STRBP: variants seen among roughly 807,000 people sequenced by gnomAD.
STRBP encodes spermatid perinuclear RNA binding protein.
A neutral mutation model predicts 80.1 loss-of-function variants in STRBP; 13 were observed. The ratio of observed to expected loss-of-function variants is 0.16; its 90% confidence interval spans 0.11 to 0.26. The LOEUF (loss-of-function observed/expected upper bound fraction) is 0.26. Among genes scored for constraint, STRBP ranks in the 10% least tolerant of loss-of-function variants. STRBP has a pLI of 1.00. For missense variants in STRBP, 485 were observed against 815.2 expected (o/e 0.59, Z 4.93); for synonymous variants, 284 against 291.2 (o/e 0.98, Z 0.25).
chr9:123,265,688 A>C (rs2041251391), intron 1 of STRBP, among the ~76,000 whole-genome samples: 1 of 152,174 alleles, frequency 6.6e-6, no homozygotes, highest in Admixed American at 6.5e-5. Flanking sequence ...AAACCCCTAA[A>C]GGTTACTTCC....
intron 2 of STRBP, among the ~76,000 whole-genome samples, chr9:123,233,398 T>A (rs1248184659): frequency 6.6e-6 from 1 of 152,192 alleles, no homozygotes; most frequent in East Asian, 1.9e-4. Flanking sequence ...ATTTGAACTT[T>A]AAGAAGTGTT....
chr9:123,257,872 T>C (rs886806228), intron 1 of STRBP, among the ~76,000 whole-genome samples: 1 of 151,714 alleles, frequency 6.6e-6, no homozygotes, highest in Non-Finnish European at 1.5e-5. Flanking sequence ...TACATATTTA[T>C]GCATAATTTA....
chr9:123,148,059 A>G (rs1201507823), intron 11 of STRBP, among the ~76,000 whole-genome samples, 189 bp from the exon 12 acceptor site: 2 of 152,314 alleles, frequency 1.3e-5, no homozygotes, highest in East Asian at 3.9e-4. Flanking sequence ...GCAAATCTTG[A>G]AACAATATTA....
At chr9:123,211,596 T>C (rs2039711197) in intron 2 of STRBP, among the ~76,000 whole-genome samples, 1 of 152,216 alleles carries the variant, frequency 6.6e-6, no homozygotes, top group African/African-American at 2.4e-5. Context: ...GTGCACATTA[T>C]AACCAATTCT....
Position 123,236,951 on chromosome 9 carries a change from T to C in STRBP, c.-286A>G, listed in dbSNP as rs1418624507. 3.3e-5 allele frequency: 5 copies of C among 152,080 alleles called. No individual in the cohort carries two copies. The highest frequency in any genetic ancestry group is 4.1e-4 in the South Asian group (2 of 4,826). 9.4% of individuals were successfully genotyped at this position (152,080 alleles called of 1,614,324 possible). ...GAGTTCGAGACCAGCCAGGTCAACA[T>C]GGCAAAACCCCGTCTCTACTAAAAA... On this transcript the variant is annotated 5_prime_UTR_variant, in exon 2 of 19. The change abolishes an upstream ATG in the 5' untranslated region. Transcript: ENST00000348403.
At chr9:123,164,181 G>C (rs1301139137) in intron 6 of STRBP, among the ~76,000 whole-genome samples, 1 of 152,156 alleles carries the variant, frequency 6.6e-6, no homozygotes, top group African/African-American at 2.4e-5. Flanking sequence ...GAACAGCTGG[G>C]ACTACAGGTG....
chr9:123,161,064 A>T lies in STRBP; in HGVS notation c.540T>A (p.Asn180Lys), dbSNP rs752569626. ...AGTCCGGAGGATCTTTCATCGAAAC[A>T]TTTTCTAACAGTAAAATGGGATAAA... is the stretch of plus-strand genomic sequence containing the variant. Reference protein sequence around the residue: ...RDELEKKDGENVSMKDPPDLL... With the variant: ...RDELEKKDGEKVSMKDPPDLL... The change falls in exon 7 of 19, where the codon AAT (asparagine) becomes AAA (lysine). Residue 180 changes from asparagine (N) to lysine (K), a missense_variant. Transcript: ENST00000348403. 1 of 1,598,850 alleles carries T rather than the reference A, an allele frequency of 6.3e-7. No individual in the cohort carries two copies. Among genetic ancestry groups the T allele is most frequent in the Non-Finnish European group, 8.5e-7 (1 of 1,174,266 alleles).
At chr9:123,267,520 C>T (rs1453052690) in intron 1 of STRBP, among the ~76,000 whole-genome samples, 3 of 151,844 alleles carry the variant, frequency 2.0e-5, no homozygotes, top group Non-Finnish European at 4.4e-5. Flanking sequence ...CCTGCAGGCT[C>T]CCCTATACAC....
chr9:123,147,579 G>T (rs2036867936), intron 12 of STRBP, among the ~76,000 whole-genome samples, 199 bp downstream of exon 12: 1 of 150,564 alleles, frequency 6.6e-6, no homozygotes, highest in South Asian at 2.1e-4. Context: ...TGAGAAGGCT[G>T]AGGTTGAAGG....
chr9:123,167,219 G>A (rs529145833), intron 6 of STRBP, among the ~76,000 whole-genome samples: 92 of 152,018 alleles, frequency 6.1e-4, no homozygotes, highest in South Asian at 2.3e-3. Flanking sequence ...TGTTTGGGTG[G>A]GGGTAGGTGA....
chr9:123,111,798 CT>C (rs1324072193), intron 3 of STRBP: 9 of 322,336 alleles, frequency 2.8e-5, no homozygotes, highest in African/African-American at 2.1e-4. Context: ...CTTCTTAGAG[CT>C]GTACCATAAG....
chr9:123,164,898 A>G (rs2037687913), intron 6 of STRBP, among the ~76,000 whole-genome samples: 1 of 152,242 alleles, frequency 6.6e-6, no homozygotes, highest in Admixed American at 6.5e-5. Flanking sequence ...GAACAGAGAA[A>G]GCACTGTTCT....
chr9:123,225,491 A>G (rs1329775144), intron 2 of STRBP, among the ~76,000 whole-genome samples: 1 of 152,084 alleles, frequency 6.6e-6, no homozygotes, highest in Non-Finnish European at 1.5e-5. Context: ...CCTCTTTCCT[A>G]TGTTTGGGGA....
chr9:123,209,184 A>T (rs1389242929), intron 2 of STRBP, among the ~76,000 whole-genome samples: 2 of 152,212 alleles, frequency 1.3e-5, no homozygotes, highest in Non-Finnish European at 2.9e-5. Flanking sequence ...AATACTTAGA[A>T]GTCTTAGTCA....
chr9:123,175,175 G>A (rs1193612132), intron 4 of STRBP, among the ~76,000 whole-genome samples: 1 of 152,176 alleles, frequency 6.6e-6, no homozygotes, highest in Non-Finnish European at 1.5e-5. Flanking sequence ...AAATGGCAAA[G>A]CCTAAATTCA....
chr9:123,262,313 A>C (rs1470502862), intron 1 of STRBP, among the ~76,000 whole-genome samples: 1 of 152,246 alleles, frequency 6.6e-6, no homozygotes, highest in African/African-American at 2.4e-5. Flanking sequence ...AGAGCCCTTT[A>C]GGACAATTAC....
intron 4 of STRBP, among the ~76,000 whole-genome samples, chr9:123,174,069 T>C (rs1588043333): frequency 6.6e-6 from 1 of 152,266 alleles, no homozygotes; most frequent in South Asian, 2.1e-4. Flanking sequence ...TGTAATTCTT[T>C]ACTACATTTA....
At chr9:123,154,273 A>G (rs1005717004) in intron 11 of STRBP, among the ~76,000 whole-genome samples, 9 of 152,230 alleles carry the variant, frequency 5.9e-5, no homozygotes, top group Non-Finnish European at 8.8e-5. Context: ...AATGAACTAT[A>G]TCTATGTGCA....
chr9:123,243,186 AG>A (rs1397525521), intron 1 of STRBP, among the ~76,000 whole-genome samples: 1 of 151,632 alleles, frequency 6.6e-6, no homozygotes, highest in Non-Finnish European at 1.5e-5. Context: ...CTAATTTCTT[AG>A]AAAAATGCAA....
Sources: gnomAD v4.1 joint callset for allele counts (sites outside exome capture counted in the v4.1 genomes callset) on GRCh38, gnomAD v4.1.1 for gene constraint, MANE v1.5 for transcripts, NCBI Gene and HGNC (gene_info 2026-07-23, HGNC 2026-07-21) for gene names.